The following HMCN1 variants were observed in gnomAD, a reference collection of about 807,000 sequenced individuals.
HMCN1 encodes the protein hemicentin 1, also known as hemicentin-1.
Under a neutral mutation model 625.9 loss-of-function variants are expected in HMCN1, and 321 were observed. The ratio of observed to expected loss-of-function variants is 0.51; its 90% CI spans 0.47 to 0.56. The LOEUF (loss-of-function observed/expected upper bound fraction) is 0.56. HMCN1 is among the 20% of genes least tolerant of loss of function. HMCN1 has a pLI of 0.00. For synonymous variants in HMCN1, 2,425 were observed against 2,417.6 expected, an observed-to-expected ratio of 1.00 and a Z score of -0.09; for missense variants, 6,588 against 6,887.3, an observed-to-expected ratio of 0.96 and a Z score of 1.54.
intron 29 of HMCN1, among the ~76,000 whole-genome samples, chr1:186,005,200 ATTGT>A (rs1653494907): frequency 6.8e-6 from 1 of 146,000 alleles, no homozygotes; most frequent in South Asian, 2.2e-4. Flanking sequence ...CAATTTTTTA[ATTGT>A]TTATAAATGT....
chr1:186,029,786 C>G (rs180834632), intron 36 of HMCN1, among the ~76,000 whole-genome samples: 33 of 151,616 alleles, frequency 2.2e-4, no homozygotes, highest in Middle Eastern at 3.4e-3. Flanking sequence ...AGAGTTTACT[C>G]TTCTTTTTTT....
rs754812023 is a variant in HMCN1, at chr1:186,151,181, T to C, written c.14609-19T>C. ...GAAATTGCATCCTTATCCAGGAATG[T>C]TTTTTTTTCCCCCAATAGGTGGGCC... On this transcript the variant is annotated intron_variant, in intron 93 of 106. Transcript: ENST00000271588. The C allele has an allele frequency of 1.9e-6, 3 of 1,596,292 alleles. No homozygotes were observed. In the Admixed American group the frequency reaches 5.0e-5, roughly 27 times the overall value.
chr1:185,992,989 T>C (rs912390541), intron 22 of HMCN1, among the ~76,000 whole-genome samples, 193 bp from the exon 23 acceptor site: 22 of 152,152 alleles, frequency 1.4e-4, no homozygotes, highest in African/African-American at 4.8e-4. Context: ...AACTGTTTTA[T>C]GTTTGCAGGA....
intron 71 of HMCN1, among the ~76,000 whole-genome samples, chr1:186,111,994 T>C (rs1485125489): frequency 6.6e-6 from 1 of 152,206 alleles, no homozygotes; most frequent in Non-Finnish European, 1.5e-5. Context: ...AGAATATCAA[T>C]CTTTGATGCT....
chr1:185,845,971 G>A lies in HMCN1; in HGVS notation c.269-55G>A, dbSNP rs184714882. Reference sequence around the variant, plus strand: ...AAAAGACATCTATAAACACAAGAAAGTCTTTAATGCCATTGATTACTGTTT... The same window carrying A: ...AAAAGACATCTATAAACACAAGAAAATCTTTAATGCCATTGATTACTGTTT... On this transcript the variant is annotated intron_variant, in intron 1 of 106. Coordinates refer to ENST00000271588, the MANE Select transcript of HMCN1 (RefSeq NM_031935.3). The A allele has an allele frequency of 1.2e-5, 14 of 1,123,642 alleles. No individual in the cohort carries two copies. In the Admixed American group the frequency reaches 1.3e-4, roughly 11 times the overall value. The allele number at this position is 1,123,642 out of a possible 1,614,324, so 69.6% of individuals were successfully genotyped here.
intron 1 of HMCN1, among the ~76,000 whole-genome samples, chr1:185,825,137 C>G (rs1280136203): frequency 2.0e-5 from 3 of 151,992 alleles, no homozygotes; most frequent in Non-Finnish European, 4.4e-5. Context: ...AGGAACTATG[C>G]TAGTTGTTTA....
intron 12 of HMCN1, among the ~76,000 whole-genome samples, chr1:185,963,336 A>G (rs1268581431): frequency 1.3e-5 from 2 of 152,090 alleles, no homozygotes; most frequent in South Asian, 4.1e-4. Flanking sequence ...GAGACATTAC[A>G]TCTCTAAGGT....
At chr1:186,105,363 CATT>C (rs1660562096) in intron 69 of HMCN1, among the ~76,000 whole-genome samples, 1 of 152,204 alleles carries the variant, frequency 6.6e-6, no homozygotes, top group Non-Finnish European at 1.5e-5. Flanking sequence ...ACTCTTACTG[CATT>C]ATATTTTGCT....
chr1:186,149,017 T>C (rs1011285752), intron 93 of HMCN1, among the ~76,000 whole-genome samples: 4 of 151,978 alleles, frequency 2.6e-5, no homozygotes, highest in Non-Finnish European at 5.9e-5. Flanking sequence ...TATAAACAGA[T>C]GTGCTGTCAT....
intron 70 of HMCN1, among the ~76,000 whole-genome samples, 160 bp downstream of exon 70, chr1:186,107,125 G>A (rs1000119542): frequency 2.6e-5 from 4 of 151,676 alleles, no homozygotes; most frequent in Non-Finnish European, 4.4e-5. Context: ...TCGCTTTGTC[G>A]CCCAGGCTGG....
intron 4 of HMCN1, among the ~76,000 whole-genome samples, chr1:185,880,240 CT>C (rs1175910814): frequency 6.6e-6 from 1 of 151,994 alleles, no homozygotes; most frequent in African/African-American, 2.4e-5. Context: ...ACGGTGAAGA[CT>C]TTGGTCTAGA....
intron 103 of HMCN1, among the ~76,000 whole-genome samples, chr1:186,175,528 A>G (rs1652506958): frequency 6.6e-6 from 1 of 152,232 alleles, no homozygotes; most frequent in Admixed American, 6.5e-5. Flanking sequence ...CTTTTTAATA[A>G]CAGGAATACA....
At position 186,074,876 on chromosome 1, in the gene HMCN1, G is replaced by A; in HGVS notation, c.8275G>A (p.Asp2759Asn). ...NIAGEDELDFDVNIQVPPSFQ... is the reference protein window; with the variant it reads ...NIAGEDELDFNVNIQVPPSFQ... ...TGCAGGTGAAGATGAGTTGGATTTT[G>A]ATGTGAATATTCAAGGTAATACTAA... Residue 2759 changes from aspartate to asparagine, a missense_variant, in exon 53 of 107, where the codon GAT becomes AAT. Asp to Asn is a conservative substitution (Grantham distance 23). Coordinates refer to ENST00000271588, the MANE Select transcript of HMCN1 (RefSeq NM_031935.3). The A allele has an allele frequency of 6.2e-7, 1 of 1,611,822 alleles. No homozygotes were observed. Among genetic ancestry groups the A allele is most frequent in the African/African-American group, 1.3e-5 (1 of 74,950 alleles).
At chr1:186,058,009 T>A (rs1441616176) in intron 46 of HMCN1, among the ~76,000 whole-genome samples, 1 of 152,018 alleles carries the variant, frequency 6.6e-6, no homozygotes, top group Non-Finnish European at 1.5e-5. Context: ...CAGACTAAGA[T>A]AATCTTGCCA....
chr1:186,137,450 A>G, intron 87 of HMCN1, 48 bp from the exon 88 acceptor site: 1 of 1,589,536 alleles, frequency 6.3e-7, no homozygotes, highest in Non-Finnish European at 8.6e-7. Flanking sequence ...CTCCTTTACA[A>G]TGTTTTATTT....
At chr1:185,895,722 A>T (rs1665444505) in intron 4 of HMCN1, among the ~76,000 whole-genome samples, 1 of 152,180 alleles carries the variant, frequency 6.6e-6, no homozygotes, top group Non-Finnish European at 1.5e-5. Context: ...CAAAGTGCTG[A>T]GTACAACCAG....
At chr1:186,156,054 G>T (rs969935502) in intron 97 of HMCN1, among the ~76,000 whole-genome samples, 2 of 152,036 alleles carry the variant, frequency 1.3e-5, no homozygotes, top group African/African-American at 4.8e-5. Context: ...GAAAGTACTG[G>T]TCGAGAAAAC....
intron 67 of HMCN1, among the ~76,000 whole-genome samples, chr1:186,095,014 G>A (rs559894974): frequency 3.9e-4 from 59 of 152,210 alleles, no homozygotes; most frequent in African/African-American, 4.6e-4. Flanking sequence ...CACATTGTGC[G>A]TTCTGTAAGA....
chr1:185,981,163 A>G, intron 17 of HMCN1, 90 bp downstream of exon 17: 1 of 821,760 alleles, frequency 1.2e-6, no homozygotes, highest in South Asian at 1.4e-5. Context: ...CACTTAAAAA[A>G]AAACAAAAGA....
Sources: gnomAD v4.1 joint callset for allele counts (sites outside exome capture counted in the v4.1 genomes callset) on GRCh38, gnomAD v4.1.1 for gene constraint, MANE v1.5 for transcripts, NCBI Gene and HGNC (gene_info 2026-07-23, HGNC 2026-07-21) for gene names.